Variants in SLC24A2 observed in about 807,000 individuals in gnomAD.
The protein encoded by SLC24A2 is sodium/potassium/calcium exchanger 2.
A neutral mutation model predicts 62.0 loss-of-function variants in SLC24A2; 36 were observed. The observed-to-expected ratio is 0.58, with a 90% CI of 0.44 to 0.77. The LOEUF is 0.77. Among genes scored for constraint, SLC24A2 ranks in the 30% least tolerant of loss-of-function variants. The probability of loss-of-function intolerance (pLI) is 0.00; values close to 1 mark genes in which losing one functional copy is unlikely to be tolerated. For missense variants in SLC24A2, 846 were observed against 817.9 expected, an observed-to-expected ratio of 1.03 and a Z score of -0.42; for synonymous variants, 358 against 294.0, an observed-to-expected ratio of 1.22 and a Z score of -2.23.
At chr9:19,565,880 A>G (rs994079904) in intron 7 of SLC24A2, among the ~76,000 whole-genome samples, 5 of 151,406 alleles carry the variant, frequency 3.3e-5, no homozygotes, top group African/African-American at 9.8e-5. Flanking sequence ...TTCTCTATTT[A>G]ATAAATGGTA....
At chr9:19,896,610 G>C in the SLC24A2 span, among the ~76,000 whole-genome samples, 123,010 of 152,142 alleles carry the variant, frequency 0.81, 50,917 homozygotes, top group Non-Finnish European at 0.9. Flanking sequence ...TGGAGCATTG[G>C]AGCAGTTAGG....
At chr9:20,014,655 C>T in the SLC24A2 span, among the ~76,000 whole-genome samples, 1 of 152,046 alleles carries the variant, frequency 6.6e-6, no homozygotes, top group Admixed American at 6.6e-5. Context: ...TGCATGATCT[C>T]ACTTGTATGT....
chr9:19,671,842 G>A (rs568798317), intron 2 of SLC24A2, among the ~76,000 whole-genome samples: 5 of 120,724 alleles, frequency 4.1e-5, no homozygotes, highest in Admixed American at 7.4e-5. Context: ...ACTCTGTTAT[G>A]TGGTGTGTCA....
chr9:19,942,416 C>G, the SLC24A2 span, among the ~76,000 whole-genome samples: 1 of 152,160 alleles, frequency 6.6e-6, no homozygotes. Context: ...GAATCAGTGT[C>G]TGATTCAGGA....
At chr9:19,832,347 A>G in the SLC24A2 span, among the ~76,000 whole-genome samples, 3 of 152,250 alleles carry the variant, frequency 2.0e-5, no homozygotes, top group African/African-American at 7.2e-5. Flanking sequence ...ATACAAACCT[A>G]CTTAATTAAA....
the SLC24A2 span, among the ~76,000 whole-genome samples, chr9:20,047,687 G>C: frequency 5.7e-4 from 84 of 147,992 alleles, no homozygotes; most frequent in African/African-American, 2.0e-3. Context: ...AGAGGAAATG[G>C]GGAGCTAGCC....
intron 2 of SLC24A2, among the ~76,000 whole-genome samples, chr9:19,675,632 T>A (rs1017696462): frequency 2.0e-5 from 3 of 151,868 alleles, no homozygotes; most frequent in Admixed American, 1.3e-4. Context: ...GCCAGGGAAG[T>A]GGGGGAAAGC....
Position 19,508,686 on chromosome 9 carries a change from C to G in SLC24A2, c.*7467G>C, listed in dbSNP as rs536864188. 1.3e-5 allele frequency: 2 copies of G among 152,166 alleles called. No homozygotes were observed. The highest frequency in any genetic ancestry group is 2.1e-4 in the South Asian group (1 of 4,820). The allele number at this position is 152,166 out of a possible 1,614,324, so 9.4% of individuals were successfully genotyped here. A position where few individuals can be genotyped will look rare whatever the true frequency, so the allele number is the denominator to read the frequency against. On this transcript the variant is annotated 3_prime_UTR_variant, in exon 11 of 11. Coordinates refer to ENST00000341998, the MANE Select transcript of SLC24A2 (RefSeq NM_020344.4). ...GCATGTGCCTGAGGTCCCAGCTACTCAAGAGGCTGAAGTGGGAGGATCGCT... is the reference window on the plus strand; with the variant it reads ...GCATGTGCCTGAGGTCCCAGCTACTGAAGAGGCTGAAGTGGGAGGATCGCT...
At chr9:19,527,717 G>T (rs538197667) in intron 9 of SLC24A2, among the ~76,000 whole-genome samples, 1 of 152,206 alleles carries the variant, frequency 6.6e-6, no homozygotes, top group South Asian at 2.1e-4. Context: ...GGCTGCTCAA[G>T]ATAAAGTCAG....
At chr9:19,557,643 C>A (rs1167483318) in intron 7 of SLC24A2, among the ~76,000 whole-genome samples, 6 of 152,204 alleles carry the variant, frequency 3.9e-5, no homozygotes, top group African/African-American at 1.4e-4. Context: ...AGTGGCCCAG[C>A]CCCCTAGCTG....
chr9:20,259,100 A>G, the SLC24A2 span, among the ~76,000 whole-genome samples: 1 of 152,168 alleles, frequency 6.6e-6, no homozygotes, highest in Non-Finnish European at 1.5e-5. Context: ...TCCAAGATGG[A>G]GGAAGGAACC....
At chr9:20,019,155 A>AAGAAAGAGAGAGAGAG in the SLC24A2 span, among the ~76,000 whole-genome samples, 1 of 117,086 alleles carries the variant, frequency 8.5e-6, no homozygotes, top group African/African-American at 3.1e-5. Context: ...GAAAGAAAGA[A>AAGAAAGAGAGAGAGAG]AGAGAGAGAG....
the SLC24A2 span, among the ~76,000 whole-genome samples, chr9:19,855,887 C>G: frequency 2.6e-4 from 40 of 152,296 alleles, no homozygotes; most frequent in South Asian, 8.1e-3. Context: ...TGTTTTTAAA[C>G]TTGGTTCCAT....
At chr9:19,540,416 C>G (rs1834192842) in intron 8 of SLC24A2, among the ~76,000 whole-genome samples, 1 of 148,520 alleles carries the variant, frequency 6.7e-6, no homozygotes, top group South Asian at 2.1e-4. Flanking sequence ...GACAAAATCT[C>G]TCAGCATTTG....
the SLC24A2 span, among the ~76,000 whole-genome samples, chr9:20,059,574 G>C: frequency 6.6e-6 from 1 of 151,950 alleles, no homozygotes; most frequent in Admixed American, 6.6e-5. Flanking sequence ...AAATCACAAG[G>C]CAATTAGAAA....
the SLC24A2 span, among the ~76,000 whole-genome samples, chr9:20,268,324 G>A: frequency 6.6e-5 from 10 of 152,254 alleles, no homozygotes; most frequent in South Asian, 8.3e-4. Flanking sequence ...TGTCTCCTCC[G>A]AAAGTCATGT....
the SLC24A2 span, among the ~76,000 whole-genome samples, chr9:20,020,084 A>C: frequency 6.6e-6 from 1 of 152,336 alleles, no homozygotes; most frequent in African/African-American, 2.4e-5. Flanking sequence ...GATACTGGAG[A>C]GGATGTGGAC....
intron 2 of SLC24A2, among the ~76,000 whole-genome samples, chr9:19,645,515 CAA>C (rs760541689): frequency 6.6e-6 from 1 of 150,952 alleles, no homozygotes; most frequent in African/African-American, 2.4e-5. Flanking sequence ...AACATTGTGG[CAA>C]AAAAAATGTG....
the SLC24A2 span, among the ~76,000 whole-genome samples, chr9:19,896,896 A>T: frequency 6.6e-6 from 1 of 152,346 alleles, no homozygotes; most frequent in African/African-American, 2.4e-5. Flanking sequence ...TATGCATGTC[A>T]TGTTATGATT....
Sources: allele counts gnomAD v4.1 joint callset (sites outside exome capture counted in the v4.1 genomes callset), GRCh38; gene constraint gnomAD v4.1.1; transcripts MANE v1.5; gene names NCBI Gene and HGNC (gene_info 2026-07-23, HGNC 2026-07-21).